The following CEP83 variants were observed in gnomAD, a reference collection of about 807,000 sequenced individuals.
CEP83 encodes centrosomal protein 83.
A neutral mutation model predicts 101.9 loss-of-function variants in CEP83; 70 were observed. The observed-to-expected ratio is 0.69, with a 90% confidence interval of 0.57 to 0.84. CEP83 has a LOEUF of 0.84. CEP83 is among the 40% of genes least tolerant of loss of function. The probability of loss-of-function intolerance (pLI) is 0.00; values close to 1 mark genes in which losing one functional copy is unlikely to be tolerated. For missense variants in CEP83, 715 were observed against 787.2 expected (o/e 0.91, Z 1.10); for synonymous variants, 264 against 267.9 (o/e 0.99, Z 0.14).
chr12:94,413,561 A>G (rs896906400), intron 2 of CEP83, among the ~76,000 whole-genome samples: 3 of 152,192 alleles, frequency 2.0e-5, no homozygotes, highest in Non-Finnish European at 4.4e-5. Context: ...TTTACTTGAC[A>G]CAAGGCAAGC....
At chr12:94,279,667 C>G in the CEP83 span, 5 of 1,611,848 alleles carry the variant, frequency 3.1e-6, no homozygotes, top group South Asian at 4.4e-5. Context: ...GGTGCGGGAG[C>G]TATGTGGTCC....
At chr12:94,362,320 C>T (rs529933565) in intron 11 of CEP83, among the ~76,000 whole-genome samples, 1 of 151,708 alleles carries the variant, frequency 6.6e-6, no homozygotes, top group Non-Finnish European at 1.5e-5. Flanking sequence ...GGAAGCTCTA[C>T]AAAAAAAACT....
intron 11 of CEP83, among the ~76,000 whole-genome samples, chr12:94,338,959 C>CTT (rs373946233): frequency 1.4e-5 from 2 of 144,484 alleles, no homozygotes; most frequent in Non-Finnish European, 3.1e-5. Flanking sequence ...TATACTATTT[C>CTT]TTTTTTTTTT....
intron 11 of CEP83, among the ~76,000 whole-genome samples, chr12:94,336,640 G>T (rs1056080278): frequency 3.9e-5 from 6 of 152,156 alleles, no homozygotes; most frequent in African/African-American, 1.4e-4. Context: ...ATGACCCATT[G>T]CTTCCTGAGA....
At chr12:94,365,018 TA>T (rs1346805259) in intron 11 of CEP83, among the ~76,000 whole-genome samples, 1 of 152,006 alleles carries the variant, frequency 6.6e-6, no homozygotes, top group Non-Finnish European at 1.5e-5. Flanking sequence ...GATTACATAA[TA>T]AAAATTTTTG....
intron 11 of CEP83, among the ~76,000 whole-genome samples, chr12:94,343,213 C>T (rs1469171008): frequency 6.6e-6 from 1 of 151,732 alleles, no homozygotes; most frequent in East Asian, 1.9e-4. Context: ...GACTAAGTGA[C>T]TATAGTTCTA....
chr12:94,397,547 A>G (rs542046373), intron 6 of CEP83, among the ~76,000 whole-genome samples: 3 of 152,270 alleles, frequency 2.0e-5, no homozygotes, highest in Admixed American at 1.3e-4. Context: ...CCAACCCCTT[A>G]AAAATTTTAA....
intron 14 of CEP83, among the ~76,000 whole-genome samples, chr12:94,316,158 T>C (rs1046127658): frequency 6.6e-6 from 1 of 152,184 alleles, no homozygotes; most frequent in African/African-American, 2.4e-5. Flanking sequence ...TTAGGCATTT[T>C]TCCATTTTTC....
intron 11 of CEP83, among the ~76,000 whole-genome samples, chr12:94,349,473 T>C (rs2060104120): frequency 6.6e-6 from 1 of 152,100 alleles, no homozygotes; most frequent in Admixed American, 6.5e-5. Flanking sequence ...ACAATTACTT[T>C]TGCACCAACC....
At chr12:94,357,495 C>T (rs972191206) in intron 11 of CEP83, among the ~76,000 whole-genome samples, 2 of 152,136 alleles carry the variant, frequency 1.3e-5, no homozygotes, top group African/African-American at 4.8e-5. Flanking sequence ...GAAGGGAATC[C>T]GATTTCGGGA....
chr12:94,390,419 A>G (rs1394954305), intron 6 of CEP83, among the ~76,000 whole-genome samples: 1 of 152,198 alleles, frequency 6.6e-6, no homozygotes, highest in East Asian at 1.9e-4. Context: ...AACAGAAAGA[A>G]ATAGCAGCAG....
At chr12:94,375,841 T>G in intron 8 of CEP83, 45 bp downstream of exon 8, 6 of 1,105,568 alleles carry the variant, frequency 5.4e-6, no homozygotes, top group Non-Finnish European at 7.4e-6. Context: ...CATTATATAC[T>G]AACAAACATT....
chr12:94,356,368 C>G (rs969148542), intron 11 of CEP83, among the ~76,000 whole-genome samples: 11 of 152,186 alleles, frequency 7.2e-5, no homozygotes, highest in African/African-American at 1.9e-4. Flanking sequence ...AAAGGAAGGA[C>G]AGGTTCATCC....
chr12:94,278,253 T>G, the CEP83 span: 6 of 351,262 alleles, frequency 1.7e-5, no homozygotes, highest in Non-Finnish European at 2.8e-5. Flanking sequence ...CCCAAGCCTT[T>G]CTGACTTTGT....
At chr12:94,407,926 T>G (rs1365128269) in intron 4 of CEP83, 1 of 152,416 alleles carries the variant, frequency 6.6e-6, no homozygotes, top group African/African-American at 2.4e-5. Flanking sequence ...CAAACAATTC[T>G]CATGCCTCAC....
Position 94,307,993 on chromosome 12 carries a change from A to T in CEP83, c.*820T>A, listed in dbSNP as rs768864549. On this transcript the variant is annotated 3_prime_UTR_variant, in exon 17 of 17. Transcript: ENST00000397809. The stretch of plus-strand genomic sequence containing the variant: ...GCAGAATTCCTCTAAAAGATGTCAC[A>T]TTAAAAAGGCTTCCAATGGGTGTAG... 5.9e-5 allele frequency: 9 copies of T among 152,204 alleles called. No individual in the cohort carries two copies. The highest frequency in any genetic ancestry group is 8.8e-5 in the Non-Finnish European group (6 of 68,030). The allele number at this position is 152,204 out of a possible 1,614,324, so 9.4% of individuals were successfully genotyped here.
intron 11 of CEP83, chr12:94,361,602 A>T (rs568219709): frequency 1.3e-5 from 2 of 152,236 alleles, no homozygotes; most frequent in Non-Finnish European, 2.9e-5. Context: ...AAACATAGAT[A>T]AATGAGATCG....
chr12:94,400,195 C>T (rs1337431987), intron 6 of CEP83, among the ~76,000 whole-genome samples: 2 of 152,094 alleles, frequency 1.3e-5, no homozygotes, highest in Non-Finnish European at 2.9e-5. Flanking sequence ...ATTAGTATTC[C>T]TCTCTTTCAA....
chr12:94,358,858 C>T (rs1040653030), intron 11 of CEP83, among the ~76,000 whole-genome samples: 1 of 152,168 alleles, frequency 6.6e-6, no homozygotes, highest in African/African-American at 2.4e-5. Context: ...AAACTGGCCC[C>T]AAAACTGGCC....
Sources: allele counts gnomAD v4.1 joint callset (sites outside exome capture counted in the v4.1 genomes callset), GRCh38; gene constraint gnomAD v4.1.1; transcripts MANE v1.5; gene names NCBI Gene and HGNC (gene_info 2026-07-23, HGNC 2026-07-21).